The following AHCYL2 variants were observed in gnomAD, a reference collection of about 807,000 sequenced individuals.
AHCYL2 encodes the protein S-adenosylhomocysteine hydrolase-like protein 2.
A neutral mutation model predicts 81.4 loss-of-function variants in AHCYL2; 28 were observed. The observed-to-expected ratio is 0.34, with a 90% CI of 0.25 to 0.47. The LOEUF (loss-of-function observed/expected upper bound fraction) is 0.47, where lower values mean the gene tolerates loss of function less well. AHCYL2 is among the 20% of genes least tolerant of loss of function. The pLI, the probability that AHCYL2 is intolerant of heterozygous loss-of-function variation, is 1.00. For missense variants in AHCYL2, 551 were observed against 785.1 expected (o/e 0.70, Z 3.56); for synonymous variants, 272 against 290.2 (o/e 0.94, Z 0.64).
Position 129,406,557 on chromosome 7 carries a change from C to G in AHCYL2, c.1295+91C>G, listed in dbSNP as rs1796317448. 5.8e-6 allele frequency: 7 copies of G among 1,213,542 alleles called. No homozygotes were observed. The highest frequency in any genetic ancestry group is 8.5e-6 in the Non-Finnish European group (7 of 820,298). 75.2% of individuals were successfully genotyped at this position (1,213,542 alleles called of 1,614,324 possible). A position where few individuals can be genotyped will look rare whatever the true frequency, so the allele number is the denominator to read the frequency against. On this transcript the variant is annotated intron_variant, in intron 10 of 16. Coordinates refer to ENST00000325006, the MANE Select transcript of AHCYL2 (RefSeq NM_015328.4). The surrounding 1 kb of genome is among the most constrained non-coding windows in gnomAD (Gnocchi z 4.3). ...TGCCACACTTTATTTTAGAGGAGCC[C>G]AGATCCTCAGAGATGCTGCCACTAA...
chr7:129,291,225 C>T (rs970755061), intron 1 of AHCYL2, among the ~76,000 whole-genome samples: 1 of 152,052 alleles, frequency 6.6e-6, no homozygotes, highest in Admixed American at 6.6e-5. Context: ...ACAAACCCCC[C>T]CAAAATTTTG....
In AHCYL2 at chr7:129,374,567, G is replaced by C. The variant is rs1466517453; in HGVS notation, c.364-5071G>C. ...TCATGCCTGTAATCCTAGCACTTTG[G>C]GAGGCCGAGGCAGGTGGATCACTTG... On this transcript the variant is annotated intron_variant, in intron 1 of 16. Coordinates refer to ENST00000325006, the MANE Select transcript of AHCYL2 (RefSeq NM_015328.4). Among the ~76,000 whole-genome samples, 5 of 151,752 alleles carry C rather than the reference G, an allele frequency of 3.3e-5. No individual in the cohort carries two copies. In the East Asian group the frequency reaches 9.7e-4, roughly 29 times the overall value.
chr7:129,427,058 C>G lies in AHCYL2; in HGVS notation c.*13C>G. 6.2e-7 allele frequency: 1 copy of G among 1,605,244 alleles called. No homozygotes were observed. The highest frequency in any genetic ancestry group is 8.5e-7 in the Non-Finnish European group (1 of 1,172,116). Reference sequence around the variant, plus strand: ...CTCCAGGTATTAAGTTCCTGTAACTCAAACCAGAATTTTTAAGGAATAGAA... The same window carrying G: ...CTCCAGGTATTAAGTTCCTGTAACTGAAACCAGAATTTTTAAGGAATAGAA... On this transcript the variant is annotated 3_prime_UTR_variant, in exon 17 of 17. Transcript: ENST00000325006. This position sits in a 1 kb window ranked among gnomAD's most constrained non-coding sequence, Gnocchi z 5.5.
chr7:129,372,098 G>T (rs1794439055), intron 1 of AHCYL2, among the ~76,000 whole-genome samples: 1 of 152,166 alleles, frequency 6.6e-6, no homozygotes, highest in South Asian at 2.1e-4. Context: ...GCATACTGTT[G>T]TAGGGGGTTC....
intron 1 of AHCYL2, among the ~76,000 whole-genome samples, chr7:129,245,480 A>G (rs1795020858): frequency 6.6e-6 from 1 of 151,528 alleles, no homozygotes; most frequent in African/African-American, 2.4e-5. Flanking sequence ...CCAAACCAAA[A>G]CTCCATACCC....
chr7:129,274,541 G>A (rs1796130518), intron 1 of AHCYL2, among the ~76,000 whole-genome samples: 1 of 152,158 alleles, frequency 6.6e-6, no homozygotes, highest in African/African-American at 2.4e-5. Context: ...CAGTGGTGGA[G>A]TCTATTTCCC....
rs533419468 is a variant in AHCYL2, at chr7:129,298,993, GA to G, written c.363+73561del. Among the ~76,000 whole-genome samples the G allele has an allele frequency of 2.9e-3, 435 of 151,614 alleles. 4 individuals are homozygous for G. Among genetic ancestry groups the G allele is most frequent in the African/African-American group, 0.01 (420 of 41,386 alleles). On this transcript the variant is annotated intron_variant, in intron 1 of 16. Coordinates refer to ENST00000325006, the MANE Select transcript of AHCYL2 (RefSeq NM_015328.4). The stretch of plus-strand genomic sequence containing the variant: ...AACTACTCAAACCTGTTATTGTAGC[GA>G]AAAAAAGTATATAGGCAATACATAA...
intron 1 of AHCYL2, chr7:129,377,509 C>T (rs2150879186): frequency 2.2e-6 from 1 of 456,424 alleles, no homozygotes; most frequent in Non-Finnish European, 4.4e-6. Flanking sequence ...TGTCGCAATA[C>T]TCAAGTGACT....
intron 10 of AHCYL2, among the ~76,000 whole-genome samples, chr7:129,407,318 C>T (rs1475606749): frequency 1.3e-5 from 2 of 152,174 alleles, no homozygotes; most frequent in Non-Finnish European, 2.9e-5. Context: ...TGCCACTACG[C>T]TCCAGCCTGG....
At chr7:129,322,111 G>T (rs1334657241) in intron 1 of AHCYL2, among the ~76,000 whole-genome samples, 11 of 69,252 alleles carry the variant, frequency 1.6e-4, no homozygotes, top group African/African-American at 8.5e-4. Context: ...GCCAGGTTTT[G>T]TGTGTGTGTG....
At chr7:129,266,885 C>T (rs932257006) in intron 1 of AHCYL2, among the ~76,000 whole-genome samples, 3 of 151,178 alleles carry the variant, frequency 2.0e-5, no homozygotes, top group African/African-American at 7.3e-5. Context: ...CTAACCATAG[C>T]AATATTTTAA....
intron 1 of AHCYL2, among the ~76,000 whole-genome samples, chr7:129,276,156 A>ATTTCC (rs1446457751): frequency 6.6e-6 from 1 of 152,138 alleles, no homozygotes; most frequent in Admixed American, 6.5e-5. Flanking sequence ...TAATAATGGA[A>ATTTCC]ATTATAAGTA....
chr7:129,249,550 C>T (rs879421998), intron 1 of AHCYL2, among the ~76,000 whole-genome samples: 2 of 151,968 alleles, frequency 1.3e-5, no homozygotes, highest in African/African-American at 2.4e-5. Context: ...CTCAGCCTCC[C>T]GAGTAGCTGG....
intron 1 of AHCYL2, among the ~76,000 whole-genome samples, chr7:129,304,735 AT>A (rs959547849): frequency 5.2e-4 from 79 of 150,636 alleles, no homozygotes; most frequent in African/African-American, 1.6e-3. Flanking sequence ...GATATGGAAT[AT>A]TTTTTTTCAT....
chr7:129,370,511 A>G (rs1357364922), intron 1 of AHCYL2, among the ~76,000 whole-genome samples: 2 of 152,146 alleles, frequency 1.3e-5, no homozygotes, highest in Non-Finnish European at 2.9e-5. Flanking sequence ...ATCCTGGCTA[A>G]CACAGTGAAA....
At chr7:129,286,006 C>G (rs1796617519) in intron 1 of AHCYL2, among the ~76,000 whole-genome samples, 1 of 152,076 alleles carries the variant, frequency 6.6e-6, no homozygotes, top group South Asian at 2.1e-4. Flanking sequence ...ACCACCATGC[C>G]TGGCCTAAAT....
chr7:129,396,114 ATTTG>A (rs1195547826), intron 4 of AHCYL2, among the ~76,000 whole-genome samples: 1 of 151,862 alleles, frequency 6.6e-6, no homozygotes, highest in East Asian at 1.9e-4. Flanking sequence ...TTGTTCATTT[ATTTG>A]TTTGTTTGTT....
rs1323124217 is a variant in AHCYL2, at chr7:129,368,736, C to T, written c.364-10902C>T. ...GTCACCACTGTTTCTTAATTATCCA[C>T]GAAGCTGGGAAAGGTGTGAGAGTTG... On this transcript the variant is annotated intron_variant, in intron 1 of 16. Coordinates refer to ENST00000325006, the MANE Select transcript of AHCYL2 (RefSeq NM_015328.4). The surrounding 1 kb of genome is among the most constrained non-coding windows in gnomAD (Gnocchi z 4.4). Among the ~76,000 whole-genome samples the T allele has an allele frequency of 2.6e-5, 4 of 152,104 alleles. No homozygotes were observed. The highest frequency in any genetic ancestry group is 4.8e-5 in the African/African-American group (2 of 41,424).
In AHCYL2 at chr7:129,428,059, A is replaced by G. The variant is rs958363483; in HGVS notation, c.*1014A>G. The G allele has an allele frequency of 2.0e-5, 3 of 152,352 alleles. No homozygotes were observed. The East Asian group carries it at 5.8e-4, about 29-fold the overall frequency. The allele number at this position is 152,352 out of a possible 1,614,324, so 9.4% of individuals were successfully genotyped here. A position where few individuals can be genotyped will look rare whatever the true frequency, so the allele number is the denominator to read the frequency against. On this transcript the variant is annotated 3_prime_UTR_variant, in exon 17 of 17. Transcript: ENST00000325006. ...CAGACTCACAGCTTGATACCCTAAC[A>G]AAGCAGAGTATATTTATTTGTTTCC...
Sources: allele counts gnomAD v4.1 joint callset (sites outside exome capture counted in the v4.1 genomes callset), GRCh38; gene constraint gnomAD v4.1.1; non-coding constraint Gnocchi (gnomAD v3.1); transcripts MANE v1.5; gene names NCBI Gene and HGNC (gene_info 2026-07-23, HGNC 2026-07-21).